Variants in FAM13A observed in about 807,000 individuals in gnomAD.
FAM13A encodes the protein family with sequence similarity 13 member A, also known as protein FAM13A.
A neutral mutation model predicts 129.6 loss-of-function variants in FAM13A; 76 were observed. That is an observed-to-expected ratio of 0.59 (90% CI 0.49 to 0.71). FAM13A has a LOEUF of 0.71. FAM13A is among the 30% of genes least tolerant of loss of function. The pLI is 0.00. For synonymous variants in FAM13A, 443 were observed against 449.9 expected (o/e 0.98, Z 0.20); for missense variants, 1,108 against 1,249.3 (o/e 0.89, Z 1.70).
chr4:88,736,853 C>A (rs549618401), intron 21 of FAM13A, among the ~76,000 whole-genome samples: 8 of 152,174 alleles, frequency 5.3e-5, no homozygotes, highest in African/African-American at 1.9e-4. Context: ...ATTCACAGCA[C>A]CTCATTCGTA....
At chr4:88,756,984 C>G (rs1743779763) in intron 14 of FAM13A, among the ~76,000 whole-genome samples, 1 of 152,040 alleles carries the variant, frequency 6.6e-6, no homozygotes, top group Admixed American at 6.5e-5. Flanking sequence ...TCAAAAACTA[C>G]TTGGAATACA....
At chr4:88,990,863 G>T in intron 4 of FAM13A, 110 bp downstream of exon 4, 1 of 796,598 alleles carries the variant, frequency 1.3e-6, no homozygotes, top group Non-Finnish European at 2.0e-6. Flanking sequence ...TCCAAAATAA[G>T]CTGGCTGAAT....
At chr4:88,855,364 ATTT>A (rs1738312682) in intron 6 of FAM13A, 1 of 152,172 alleles carries the variant, frequency 6.6e-6, no homozygotes, top group Non-Finnish European at 1.5e-5. Flanking sequence ...TGTTCATCAT[ATTT>A]TTATTTATAA....
chr4:88,889,932 G>A (rs1745064122), intron 6 of FAM13A, among the ~76,000 whole-genome samples: 1 of 152,148 alleles, frequency 6.6e-6, no homozygotes, highest in Admixed American at 6.5e-5. Context: ...ACCTTGGCTA[G>A]GCATTGGTCA....
chr4:88,900,779 T>C (rs1747169326), intron 6 of FAM13A, among the ~76,000 whole-genome samples: 1 of 152,124 alleles, frequency 6.6e-6, no homozygotes, highest in South Asian at 2.1e-4. Context: ...AATGATAGGA[T>C]CAAATTCACA....
chr4:88,903,617 G>A (rs1480348291), intron 6 of FAM13A, among the ~76,000 whole-genome samples: 6 of 152,094 alleles, frequency 3.9e-5, no homozygotes, highest in African/African-American at 9.7e-5. Flanking sequence ...ACTCAAAATG[G>A]ATTAAAGATT....
intron 21 of FAM13A, among the ~76,000 whole-genome samples, chr4:88,734,089 A>G (rs764159650): frequency 1.3e-5 from 2 of 152,380 alleles, no homozygotes; most frequent in Non-Finnish European, 2.9e-5. Flanking sequence ...GAATTAATAC[A>G]TAGATAATAT....
chr4:88,985,442 T>C (rs991367403), intron 4 of FAM13A, among the ~76,000 whole-genome samples: 2 of 152,172 alleles, frequency 1.3e-5, no homozygotes, highest in Non-Finnish European at 2.9e-5. Context: ...ACATGGCAAA[T>C]TGTACGGTAT....
chr4:88,992,710 A>G (rs544813536), intron 3 of FAM13A, among the ~76,000 whole-genome samples: 17 of 152,340 alleles, frequency 1.1e-4, no homozygotes, highest in African/African-American at 4.1e-4. Flanking sequence ...TTGTTTTGCC[A>G]ATACTTAAAT....
chr4:89,020,277 G>GA (rs1767075659), intron 3 of FAM13A, among the ~76,000 whole-genome samples, 183 bp downstream of exon 3: 1 of 122,630 alleles, frequency 8.2e-6, no homozygotes, highest in Non-Finnish European at 1.7e-5. Context: ...TTTTTTTTCT[G>GA]CCCTTTTTTT....
intron 6 of FAM13A, among the ~76,000 whole-genome samples, chr4:88,890,734 A>G (rs1023088746): frequency 2.6e-5 from 4 of 152,208 alleles, no homozygotes; most frequent in Admixed American, 2.6e-4. Flanking sequence ...TGAAAGTATA[A>G]TTAAAATAGA....
intron 13 of FAM13A, among the ~76,000 whole-genome samples, chr4:88,762,929 G>A (rs1487561341): frequency 6.6e-6 from 1 of 152,062 alleles, no homozygotes; most frequent in Non-Finnish European, 1.5e-5. Context: ...TCCTTGTACC[G>A]TGATGTCATA....
chr4:88,870,124 A>AG (rs1459692546), intron 6 of FAM13A, among the ~76,000 whole-genome samples: 1 of 151,390 alleles, frequency 6.6e-6, no homozygotes, highest in African/African-American at 2.4e-5. Context: ...TCTGTTGTAA[A>AG]AAAAAAAAAA....
chr4:88,909,498 T>C (rs547873974), intron 5 of FAM13A, among the ~76,000 whole-genome samples: 2 of 151,926 alleles, frequency 1.3e-5, no homozygotes, highest in Admixed American at 1.3e-4. Context: ...TTTTTATTTT[T>C]TTTTTTTGAG....
chr4:88,998,478 T>A (rs891502908), intron 3 of FAM13A, among the ~76,000 whole-genome samples: 10 of 152,320 alleles, frequency 6.6e-5, no homozygotes, highest in Middle Eastern at 3.4e-3. Flanking sequence ...CCATGTCTCA[T>A]GTATGTAAAT....
intron 3 of FAM13A, among the ~76,000 whole-genome samples, chr4:88,999,060 A>G (rs534334505): frequency 1.1e-4 from 17 of 152,322 alleles, no homozygotes; most frequent in African/African-American, 3.8e-4. Flanking sequence ...ATGCAGAGGT[A>G]TGTTTATTGC....
intron 7 of FAM13A, among the ~76,000 whole-genome samples, chr4:88,826,900 C>T (rs1733089769): frequency 1.3e-5 from 2 of 152,170 alleles, no homozygotes; most frequent in Admixed American, 1.3e-4. Flanking sequence ...GCTTCTCCTC[C>T]CTTCTGACAG....
intron 6 of FAM13A, among the ~76,000 whole-genome samples, chr4:88,900,345 T>C (rs1747087836): frequency 6.6e-6 from 1 of 151,674 alleles, no homozygotes; most frequent in African/African-American, 2.4e-5. Context: ...CACATAATCA[T>C]CAGATCCTCC....
intron 6 of FAM13A, among the ~76,000 whole-genome samples, chr4:88,868,475 T>C (rs1050257643): frequency 1.3e-5 from 2 of 152,326 alleles, no homozygotes; most frequent in African/African-American, 4.8e-5. Flanking sequence ...ATTTGGATTA[T>C]AGCTTCCTAA....
Sources: allele counts gnomAD v4.1 joint callset (sites outside exome capture counted in the v4.1 genomes callset), GRCh38; gene constraint gnomAD v4.1.1; transcripts MANE v1.5; gene names NCBI Gene and HGNC (gene_info 2026-07-23, HGNC 2026-07-21).